Variants in CPSF1 observed in about 807,000 individuals in gnomAD.
CPSF1 encodes cleavage and polyadenylation specificity factor subunit 1.
A neutral mutation model predicts 175.8 loss-of-function variants in CPSF1; 106 were observed. That is an observed-to-expected ratio of 0.60 (90% CI 0.52 to 0.71). CPSF1 has a LOEUF of 0.71. CPSF1 is among the 30% of genes least tolerant of loss of function. The pLI is 0.00. For missense variants in CPSF1, 1,734 were observed against 2,022.9 expected (o/e 0.86, Z 2.74); for synonymous variants, 1,024 against 858.3 (o/e 1.19, Z -3.37).
At chr8:144,395,598 C>T in intron 26 of CPSF1, 47 bp from the exon 27 acceptor site, 1 of 1,498,030 alleles carries the variant, frequency 6.7e-7, no homozygotes, top group Non-Finnish European at 9.2e-7. Flanking sequence ...TAGCCAAGGG[C>T]AGGGGCAGGC....
rs782688250 is a variant in CPSF1, at chr8:144,397,261, G to A, written c.2538C>T (p.Val846=). ...CCAGCGCCACCAGCAGCACCTCCTT[G>A]ACGAGGGGCAGCTCCCCCTGGCGCG... ...EATRQGELPL[V]KEVLLVALGS... Residue 846 remains valine, a synonymous_variant, in exon 23 of 38, where the codon GTC becomes GTT. Coordinates refer to ENST00000616140, the MANE Select transcript of CPSF1 (RefSeq NM_013291.3). 2 of 1,550,144 alleles carry A rather than the reference G, an allele frequency of 1.3e-6. No individual in the cohort carries two copies. The highest frequency in any genetic ancestry group is 1.4e-5 in the African/African-American group (1 of 73,054).
In CPSF1 at chr8:144,395,030, G is replaced by A. The variant is rs782143654; in HGVS notation, c.3273-7C>T. 2.5e-6 allele frequency: 4 copies of A among 1,606,032 alleles called. No homozygotes were observed. The highest frequency in any genetic ancestry group is 1.7e-5 in the Admixed American group (1 of 59,674). On this transcript the variant is annotated splice_polypyrimidine_tract_variant and splice_region_variant and intron_variant, in intron 29 of 37. Coordinates refer to ENST00000616140, the MANE Select transcript of CPSF1 (RefSeq NM_013291.3). ...CCACTCCTGCAGCTCGATCCTGTGG[G>A]GGCCAGGGGCCTCAGGATGCTGCCT...
rs1390839885 is a variant in CPSF1 at position 144,398,232 on chromosome 8, C to G, written c.1894+70G>C. 2.4e-5 allele frequency: 26 copies of G among 1,068,922 alleles called. No individual in the cohort carries two copies. The East Asian group carries it at 2.8e-4, about 12-fold the overall frequency. The allele number at this position is 1,068,922 out of a possible 1,614,324, so 66.2% of individuals were successfully genotyped here. ...TGCCCAGGGCCCAACCACCTCCCCC[C>G]CACCGTCCCCACCCACCTACCTCCT... On this transcript the variant is annotated intron_variant, in intron 19 of 37. Coordinates refer to ENST00000616140, the MANE Select transcript of CPSF1 (RefSeq NM_013291.3).
intron 2 of CPSF1, among the ~76,000 whole-genome samples, chr8:144,405,821 C>G (rs1319067023): frequency 6.6e-6 from 1 of 152,108 alleles, no homozygotes; most frequent in African/African-American, 2.4e-5. Flanking sequence ...TCAACTACAC[C>G]AACACCACCA....
Position 144,396,580 on chromosome 8 carries a change from G to C in CPSF1, c.2826+18C>G. The C allele has an allele frequency of 6.2e-7, 1 of 1,610,858 alleles. No homozygotes were observed. Among genetic ancestry groups the C allele is most frequent in the Non-Finnish European group, 8.5e-7 (1 of 1,178,150 alleles). On this transcript the variant is annotated intron_variant, in intron 25 of 37. Transcript: ENST00000616140. Reference sequence around the variant, plus strand: ...CGTCTCCCTTCTACCACAGACCCCTGCAAAGGCGCTGGCCTACCCCTGAGT... The same window carrying C: ...CGTCTCCCTTCTACCACAGACCCCTCCAAAGGCGCTGGCCTACCCCTGAGT...
At chr8:144,397,683 T>C (rs1554864495) in intron 21 of CPSF1, 22 bp from the exon 22 acceptor site, 2 of 1,559,066 alleles carry the variant, frequency 1.3e-6, no homozygotes, top group South Asian at 1.2e-5. Flanking sequence ...CAGAAGGTCA[T>C]GGGCGGCCTG....
Position 144,399,060 on chromosome 8 carries a change from G to A in CPSF1, c.1468-22C>T. The stretch of plus-strand genomic sequence containing the variant: ...GAAACTGCACAGGACTCGGGGGTGA[G>A]GACTATGCCCCCCACCCCCCCTCAC... On this transcript the variant is annotated intron_variant, in intron 15 of 37. Transcript: ENST00000616140. The surrounding 1 kb of genome is among the most constrained non-coding windows in gnomAD (Gnocchi z 6.4). The A allele has an allele frequency of 6.4e-7, 1 of 1,560,720 alleles. No individual in the cohort carries two copies.
rs782453370 is a variant in CPSF1, at chr8:144,398,068, G to A, written c.1959C>T (p.Asp653=). 22 of 1,612,136 alleles carry A rather than the reference G, an allele frequency of 1.4e-5. No homozygotes were observed. In the South Asian group the frequency reaches 2.1e-4, roughly 15 times the overall value. ...GAPIVQCAVA[D]PYVVIMSAEG... is the part of the protein sequence containing the mutation. ...CGGCACTCATGATGACCACATAGGGGTCGGCCACGGCGCACTGCACGATGG... is the reference window on the plus strand; with the variant it reads ...CGGCACTCATGATGACCACATAGGGATCGGCCACGGCGCACTGCACGATGG... Residue 653 remains aspartate (D), a synonymous_variant, in exon 20 of 38, where the codon GAC becomes GAT. Coordinates refer to ENST00000616140, the MANE Select transcript of CPSF1 (RefSeq NM_013291.3).
Position 144,401,497 on chromosome 8 carries a change from G to C in CPSF1, c.239C>G (p.Ser80Cys). The change falls in exon 4 of 38, where the codon TCC becomes TGC. Residue 80 changes from serine to cysteine, a missense_variant. Coordinates refer to ENST00000616140, the MANE Select transcript of CPSF1 (RefSeq NM_013291.3). ...TCCTGCCAGCTGCACGCTGGCCATG[G>C]ACATGACGTTGCCAAAGAAGGAGAA... ...ASFSFFGNVM[S>C]MASVQLAGAK... is the part of the protein sequence containing the mutation. 1 of 1,614,060 alleles carries C rather than the reference G, an allele frequency of 6.2e-7. No homozygotes were observed. Among genetic ancestry groups the C allele is most frequent in the Non-Finnish European group, 8.5e-7 (1 of 1,180,008 alleles).
rs141681260 is a variant in CPSF1, at chr8:144,396,544, G to A, written c.2827-44C>T. ...AGGATGCTGTGGATGAGGATGCTGC[G>A]GATGAGGCCGCGTCTCCCTTCTACC... On this transcript the variant is annotated intron_variant, in intron 25 of 37. Coordinates refer to ENST00000616140, the MANE Select transcript of CPSF1 (RefSeq NM_013291.3). The A allele has an allele frequency of 2.3e-4, 377 of 1,608,382 alleles. No individual in the cohort carries two copies. In the African/African-American group the frequency reaches 3.8e-3, roughly 16 times the overall value.
In CPSF1 at chr8:144,395,301, T is replaced by C; in HGVS notation, c.3151A>G (p.Thr1051Ala). 1 of 1,613,398 alleles carries C rather than the reference T, an allele frequency of 6.2e-7. No homozygotes were observed. Among genetic ancestry groups the C allele is most frequent in the Non-Finnish European group, 8.5e-7 (1 of 1,179,944 alleles). Residue 1051 changes from threonine (T) to alanine (A), a missense_variant, in exon 28 of 38, where the codon ACT becomes GCT. Physicochemically the swap from Thr to Ala is moderately conservative, Grantham distance 58. This residue lies in a region of CPSF1 where 585 missense variants were observed against 584.7 expected (regional missense o/e 1.00). Transcript: ENST00000616140. ...GTCTCAAACTCCTTCTCCTCGCCAG[T>C]CATGCGTGGGATGCGGGCACACGGC... ...NTPCARIPRMTGEEKEFETIE... is the reference protein window; with the variant it reads ...NTPCARIPRMAGEEKEFETIE...
Position 144,398,122 on chromosome 8 carries a change from C to T in CPSF1, c.1905G>A (p.Leu635=), listed in dbSNP as rs1554864798. Residue 635 remains leucine, a synonymous_variant, in exon 20 of 38, where the codon CTG becomes CTA. Coordinates refer to ENST00000616140, the MANE Select transcript of CPSF1 (RefSeq NM_013291.3). ...CGCCCAGGTCCACGGGGATGAAGTG[C>T]AGCTGATTCACTGTAGGCATGGGGC... The part of the protein sequence containing the change: ...GIRLLEGVNQ[L]HFIPVDLGAP... 2 of 1,583,356 alleles carry T rather than the reference C, an allele frequency of 1.3e-6. No individual in the cohort carries two copies. The highest frequency in any genetic ancestry group is 1.1e-5 in the South Asian group (1 of 87,260).
chr8:144,399,692 C>T lies in CPSF1; in HGVS notation c.1138G>A (p.Gly380Arg), dbSNP rs1554865690. 6.2e-6 allele frequency: 10 copies of T among 1,609,674 alleles called. No individual in the cohort carries two copies. Among genetic ancestry groups the T allele is most frequent in the Admixed American group, 3.4e-5 (2 of 59,568 alleles). ...AGGCGAGAACCCAGGAACAGGTACC[C>T]GGGCTCCATGGTGACCATCTGAGGG... ...LTTSMVTMEPGYLFLGSRLGN... is the reference protein window; with the variant it reads ...LTTSMVTMEPRYLFLGSRLGN... The change falls in exon 12 of 38, where the codon GGG becomes AGG. Residue 380 changes from glycine to arginine, a missense_variant. Gly to Arg is a moderately radical substitution (Grantham distance 125). Around this residue, in one of 10 missense-constraint regions of CPSF1, gnomAD observed 162 missense variants for 169.5 expected, o/e 0.96. Coordinates refer to ENST00000616140, the MANE Select transcript of CPSF1 (RefSeq NM_013291.3). This position sits in a 1 kb window ranked among gnomAD's most constrained non-coding sequence, Gnocchi z 6.4.
chr8:144,397,166 G>GGGGGAAGATGGGAAGGGGAGGCCA, intron 23 of CPSF1, 41 bp downstream of exon 23: 1 of 1,501,266 alleles, frequency 6.7e-7, no homozygotes, highest in Non-Finnish European at 8.9e-7. Context: ...GGCAGGGCCA[G>GGGGGAAGATGGGAAGGGGAGGCCA]GGGGAAGATG....
Position 144,400,154 on chromosome 8 carries a change from C to A in CPSF1, c.937+12G>T. On this transcript the variant is annotated intron_variant, in intron 9 of 37. Coordinates refer to ENST00000616140, the MANE Select transcript of CPSF1 (RefSeq NM_013291.3). ...CCCCGGGCCCCCCCCGCCCCAGCCA[C>A]CCCACACTCACGAAGCGGGAAAGCC... is the stretch of plus-strand genomic sequence containing the variant. 1 of 1,521,874 alleles carries A rather than the reference C, an allele frequency of 6.6e-7. No homozygotes were observed. Among genetic ancestry groups the A allele is most frequent in the Non-Finnish European group, 8.9e-7 (1 of 1,121,820 alleles). 94.3% of individuals were successfully genotyped at this position (1,521,874 alleles called of 1,614,324 possible). A position where few individuals can be genotyped will look rare whatever the true frequency, so the allele number is the denominator to read the frequency against.
chr8:144,405,066 AAAG>A (rs1298565654), intron 2 of CPSF1, among the ~76,000 whole-genome samples: 1 of 1,722 alleles, frequency 5.8e-4, no homozygotes, highest in Admixed American at 0.016. Flanking sequence ...AGAAAGAAAG[AAAG>A]AAAAAAAAAC....
At chr8:144,394,607 T>C (rs782672670) in intron 31 of CPSF1, 37 bp downstream of exon 31, 1 of 1,601,258 alleles carries the variant, frequency 6.2e-7, no homozygotes, top group Admixed American at 1.7e-5. Context: ...CGGGTGAGGG[T>C]GAGCCGGGGG....
At chr8:144,400,135 G>GGCCCCCCCCCCCCCC in intron 9 of CPSF1, 31 bp downstream of exon 9, 270 of 896,226 alleles carry the variant, frequency 3.0e-4, no homozygotes, top group Non-Finnish European at 3.9e-4. Context: ...CCGTCCCCGG[G>GGCCCCCCCCCCCCCC]CCCCCCCCGC....
At chr8:144,394,335 G>C (rs2130750829) in intron 32 of CPSF1, 35 bp from the exon 33 acceptor site, 1 of 1,587,372 alleles carries the variant, frequency 6.3e-7, no homozygotes, top group Non-Finnish European at 8.6e-7. Context: ...AGGTGCCTTG[G>C]GCGGGTACCC....
Sources: gnomAD v4.1 joint callset for allele counts (sites outside exome capture counted in the v4.1 genomes callset) on GRCh38, gnomAD v4.1.1 for gene constraint, gnomAD v4.1.1 regional missense constraint, Gnocchi (gnomAD v3.1) non-coding constraint, MANE v1.5 for transcripts, NCBI Gene and HGNC (gene_info 2026-07-23, HGNC 2026-07-21) for gene names.